The following DMD variants were observed in gnomAD, a reference collection of about 807,000 sequenced individuals.
DMD encodes the protein mutant dystrophin.
DMD carries 63 observed loss-of-function variants against 330.1 expected under a neutral mutation model. The observed-to-expected ratio is 0.19, with a 90% CI of 0.16 to 0.24. The LOEUF is 0.24. DMD is among the 10% of genes least tolerant of loss of function. DMD has a pLI of 1.00. For missense variants in DMD, 3,344 were observed against 2,684.1 expected (o/e 1.25, Z -5.43); for synonymous variants, 1,223 against 959.8 (o/e 1.27, Z -5.07).
At chrX:32,259,665 C>A (rs187762248) in intron 43 of DMD, among the ~76,000 whole-genome samples, 268 of 111,318 alleles carry the variant, frequency 2.4e-3, no homozygotes, top group Admixed American at 3.8e-3. Flanking sequence ...GAACATCCAT[C>A]GAGTTCGTTG....
intron 7 of DMD, among the ~76,000 whole-genome samples, chrX:32,732,565 C>T (rs1021606005): frequency 5.4e-5 from 6 of 111,486 alleles, no homozygotes; most frequent in Non-Finnish European, 7.5e-5. Context: ...GCGGATCTCT[C>T]GGCAGACACC....
At chrX:31,878,124 G>A (rs2093997941) in intron 47 of DMD, among the ~76,000 whole-genome samples, 1 of 111,648 alleles carries the variant, frequency 9.0e-6, no homozygotes, top group Non-Finnish European at 1.9e-5. Context: ...AACAATTCCT[G>A]ACAGAAAACA....
intron 7 of DMD, among the ~76,000 whole-genome samples, chrX:32,726,991 A>G (rs1348581021): frequency 9.0e-6 from 1 of 110,816 alleles, no homozygotes; most frequent in African/African-American, 3.3e-5. Context: ...TGGTAGATTC[A>G]TAAAGACCTT....
chrX:31,593,946 ATAAT>A (rs2076995780), intron 55 of DMD, among the ~76,000 whole-genome samples: 1 of 111,696 alleles, frequency 9.0e-6, no homozygotes, highest in Non-Finnish European at 1.9e-5. Context: ...AACACACTAA[ATAAT>A]TAAAAGCTCT....
At chrX:33,184,350 AT>A (rs748539772) in intron 1 of DMD, among the ~76,000 whole-genome samples, 528 of 110,744 alleles carry the variant, frequency 4.8e-3, no homozygotes, top group Non-Finnish European at 7.5e-3. Flanking sequence ...TTTTTTAATG[AT>A]TTTTTTTTGT....
chrX:33,026,406 A>G (rs375904161), intron 1 of DMD, among the ~76,000 whole-genome samples: 171 of 107,355 alleles, frequency 1.6e-3, no homozygotes, highest in African/African-American at 5.5e-3. Flanking sequence ...AGTTCAGTCT[A>G]TTCTCTGCTT....
chrX:31,473,661 C>T (rs1401100383), intron 59 of DMD, among the ~76,000 whole-genome samples: 8 of 97,449 alleles, frequency 8.2e-5, no homozygotes, highest in African/African-American at 2.8e-4. Context: ...TTCAGCGAGC[C>T]GAGATCTCAC....
chrX:32,693,594 C>T (rs1358292188), intron 9 of DMD, among the ~76,000 whole-genome samples: 1 of 111,185 alleles, frequency 9.0e-6, no homozygotes, highest in African/African-American at 3.3e-5. Flanking sequence ...TGTGTGCCAC[C>T]ACACTCGCTT....
chrX:31,293,204 A>AGTGTGTGTGTGTGT (rs559104990), intron 62 of DMD, among the ~76,000 whole-genome samples: 49 of 58,490 alleles, frequency 8.4e-4, no homozygotes, highest in African/African-American at 3.3e-3. Flanking sequence ...AGTCTGGTTT[A>AGTGTGTGTGTGTGT]GTGTGTGTGT....
At chrX:32,405,373 G>A (rs1464137292) in intron 30 of DMD, among the ~76,000 whole-genome samples, 3 of 111,385 alleles carry the variant, frequency 2.7e-5, no homozygotes, top group East Asian at 2.8e-4. Context: ...ACACAATTTC[G>A]TGATTTAATT....
intron 2 of DMD, among the ~76,000 whole-genome samples, chrX:32,896,312 A>G (rs1306642612): frequency 8.9e-6 from 1 of 111,981 alleles, no homozygotes; most frequent in Non-Finnish European, 1.9e-5. Flanking sequence ...TCATACAGAA[A>G]GTAAACTGCT....
chrX:31,149,516 A>T (rs1264596772), intron 74 of DMD, among the ~76,000 whole-genome samples: 1 of 112,350 alleles, frequency 8.9e-6, no homozygotes, highest in Non-Finnish European at 1.9e-5. Flanking sequence ...ATTACATTGA[A>T]TTCATAGGTT....
intron 52 of DMD, among the ~76,000 whole-genome samples, chrX:31,725,448 T>TA (rs780828981): frequency 1.8e-4 from 20 of 111,443 alleles, no homozygotes; most frequent in East Asian, 1.1e-3. Context: ...TATTTTGCAT[T>TA]AAGCCTTCAA....
chrX:31,141,529 G>A (rs2036046658), intron 76 of DMD, among the ~76,000 whole-genome samples: 1 of 111,829 alleles, frequency 8.9e-6, no homozygotes, highest in African/African-American at 3.3e-5. Flanking sequence ...CACATGATGA[G>A]GGCTAAATTT....
At chrX:31,633,399 G>T (rs1245694335) in intron 54 of DMD, among the ~76,000 whole-genome samples, 3 of 111,334 alleles carry the variant, frequency 2.7e-5, no homozygotes, top group Non-Finnish European at 5.7e-5. Flanking sequence ...ATTTCCACAT[G>T]CCTACCAACA....
intron 67 of DMD, among the ~76,000 whole-genome samples, chrX:31,200,647 G>A (rs746034378): frequency 9.0e-6 from 1 of 111,725 alleles, no homozygotes; most frequent in Non-Finnish European, 1.9e-5. Flanking sequence ...AGGTCTGAGA[G>A]TTAAATAGAG....
chrX:32,082,511 GC>G (rs1415698166), intron 44 of DMD, among the ~76,000 whole-genome samples: 1 of 111,180 alleles, frequency 9.0e-6, no homozygotes. Context: ...TTACACCACA[GC>G]CCCCCAGTGT....
chrX:31,585,259 G>A (rs2076535550), intron 55 of DMD, among the ~76,000 whole-genome samples: 1 of 104,033 alleles, frequency 9.6e-6, no homozygotes, highest in Non-Finnish European at 2.0e-5. Context: ...AGGAGGTGGA[G>A]GTTGCAGTGA....
chrX:32,894,106 A>G (rs180956963), intron 2 of DMD, among the ~76,000 whole-genome samples: 3 of 112,086 alleles, frequency 2.7e-5, no homozygotes, highest in African/African-American at 6.5e-5. Context: ...CCGCATGACC[A>G]TGAGAATTAA....
Sources: gnomAD v4.1 joint callset for allele counts (sites outside exome capture counted in the v4.1 genomes callset) on GRCh38, gnomAD v4.1.1 for gene constraint, MANE v1.5 for transcripts, NCBI Gene and HGNC (gene_info 2026-07-23, HGNC 2026-07-21) for gene names.